AGTPBP1: variants seen among roughly 807,000 people sequenced by gnomAD.
AGTPBP1 encodes ATP/GTP binding carboxypeptidase 1.
In AGTPBP1, 70 loss-of-function variants were observed where a neutral mutation model predicts 143.9. The observed-to-expected ratio is 0.49, with a 90% confidence interval of 0.40 to 0.59. The LOEUF (loss-of-function observed/expected upper bound fraction) is 0.59. Ranked by LOEUF, AGTPBP1 falls within the 20% of genes least tolerant of loss-of-function variation. AGTPBP1 has a pLI of 0.00. For synonymous variants in AGTPBP1, 463 were observed against 500.2 expected (o/e 0.93, Z 0.99); for missense variants, 1,229 against 1,464.5 (o/e 0.84, Z 2.62).
chr9:85,583,954 C>T (rs144218684), intron 23 of AGTPBP1, among the ~76,000 whole-genome samples: 2,008 of 151,376 alleles, frequency 0.013, 21 homozygotes, highest in Middle Eastern at 0.031. Flanking sequence ...GATCTGATTT[C>T]GTTTTGGGGA....
chr9:85,804,124 GA>G, the AGTPBP1 span, among the ~76,000 whole-genome samples: 8,770 of 147,374 alleles, frequency 0.06, 810 homozygotes, highest in African/African-American at 0.2. Context: ...CTAGCATAAA[GA>G]AAAAAAAAAC....
intron 17 of AGTPBP1, among the ~76,000 whole-genome samples, chr9:85,607,898 T>C (rs1830081718): frequency 6.6e-6 from 1 of 152,066 alleles, no homozygotes. Flanking sequence ...CCAATGACTC[T>C]ACGTAGAAAA....
intron 17 of AGTPBP1, among the ~76,000 whole-genome samples, chr9:85,617,118 C>T (rs560008962): frequency 3.9e-5 from 6 of 152,054 alleles, no homozygotes; most frequent in Non-Finnish European, 5.9e-5. Flanking sequence ...TTATCTTCCA[C>T]ATAAATAATG....
intron 1 of AGTPBP1, among the ~76,000 whole-genome samples, chr9:85,738,105 T>A (rs886673789): frequency 6.6e-6 from 1 of 152,250 alleles, no homozygotes; most frequent in Non-Finnish European, 1.5e-5. Context: ...TATATTAACA[T>A]GTAAAGAGTT....
At chr9:85,716,329 C>A (rs186201479) in intron 1 of AGTPBP1, among the ~76,000 whole-genome samples, 14 of 152,300 alleles carry the variant, frequency 9.2e-5, no homozygotes, top group African/African-American at 2.9e-4. Flanking sequence ...AACGGAATGC[C>A]CAGGGCTTAG....
At chr9:85,670,655 G>A (rs192883123) in intron 7 of AGTPBP1, among the ~76,000 whole-genome samples, 4 of 152,284 alleles carry the variant, frequency 2.6e-5, no homozygotes, top group Admixed American at 2.6e-4. Context: ...CTTAAGGCCA[G>A]GAGTTCAAAG....
At chr9:85,589,274 T>G (rs1160289165) in intron 20 of AGTPBP1, among the ~76,000 whole-genome samples, 1 of 152,110 alleles carries the variant, frequency 6.6e-6, no homozygotes, top group Non-Finnish European at 1.5e-5. Flanking sequence ...GAATACAATT[T>G]CTAAGGATAA....
In AGTPBP1 at chr9:85,709,938, A is replaced by G. The variant is rs183730707; in HGVS notation, c.32+2564T>C. ...ATCTGCCAATCTAATCTATCTAATT[A>G]GAATCTTTGTTTAAATTCAGCAATT... On this transcript the variant is annotated intron_variant, in intron 2 of 25. Transcript: ENST00000357081. Among the ~76,000 whole-genome samples the G allele has an allele frequency of 3.9e-3, 590 of 152,276 alleles. 2 individuals are homozygous for G. Among genetic ancestry groups the G allele is most frequent in the Non-Finnish European group, 7.0e-3 (477 of 67,992 alleles).
At chr9:85,664,074 C>T (rs1833994423) in intron 8 of AGTPBP1, among the ~76,000 whole-genome samples, 1 of 152,140 alleles carries the variant, frequency 6.6e-6, no homozygotes, top group Admixed American at 6.6e-5. Context: ...AAAGAGTACA[C>T]ACACTATGAA....
At position 85,633,221 on chromosome 9, in the gene AGTPBP1, C is replaced by G. The variant is rs1831803446; in HGVS notation, c.1456G>C (p.Asp486His). The change falls in exon 14 of 26, where the codon GAT (aspartate) becomes CAT (histidine). Residue 486 changes from aspartate (D) to histidine (H), a missense_variant. Transcript: ENST00000357081. ...AAGGTAGACTTCTTTTCACCTTCAT[C>G]TCCTTTAGAAGATATGTTCTCCTTC... is the stretch of plus-strand genomic sequence containing the variant. ...VMKENISSKGDEGEKKSTFMD... is the reference protein window; with the variant it reads ...VMKENISSKGHEGEKKSTFMD... The G allele has an allele frequency of 6.2e-7, 1 of 1,613,542 alleles. No individual in the cohort carries two copies. The highest frequency in any genetic ancestry group is 1.1e-5 in the South Asian group (1 of 90,920).
chr9:85,632,608 C>G, intron 14 of AGTPBP1, 54 bp downstream of exon 14: 5 of 1,432,298 alleles, frequency 3.5e-6, no homozygotes, highest in Non-Finnish European at 4.7e-6. Context: ...TTTAAGACTG[C>G]CTCATATCTT....
chr9:85,699,540 A>G (rs540234266), intron 2 of AGTPBP1, among the ~76,000 whole-genome samples: 3 of 152,290 alleles, frequency 2.0e-5, no homozygotes, highest in African/African-American at 7.2e-5. Flanking sequence ...ACCTTAAAAT[A>G]TAAATCAAAT....
the AGTPBP1 span, among the ~76,000 whole-genome samples, chr9:85,748,663 G>A: frequency 1.3e-5 from 2 of 152,154 alleles, no homozygotes; most frequent in East Asian, 1.9e-4. Flanking sequence ...TGGCTCTTGC[G>A]TCTTTCTTAT....
At chr9:85,573,087 T>C (rs1055040509) in intron 25 of AGTPBP1, among the ~76,000 whole-genome samples, 3 of 151,718 alleles carry the variant, frequency 2.0e-5, no homozygotes, top group African/African-American at 7.2e-5. Context: ...CCTCTCCCTC[T>C]CCCTCCCCCT....
At chr9:85,622,605 T>G (rs1831006557) in intron 14 of AGTPBP1, among the ~76,000 whole-genome samples, 1 of 152,182 alleles carries the variant, frequency 6.6e-6, no homozygotes. Flanking sequence ...TTTAATTTTA[T>G]TCTATAAAAA....
intron 1 of AGTPBP1, among the ~76,000 whole-genome samples, chr9:85,723,904 C>CACCATCTAT (rs1470988643): frequency 6.6e-6 from 1 of 152,150 alleles, no homozygotes; most frequent in Admixed American, 6.5e-5. Flanking sequence ...AATGAAAAGG[C>CACCATCTAT]ACCATCTATG....
At chr9:85,736,527 C>CTATAATACT (rs1316384576) in intron 1 of AGTPBP1, among the ~76,000 whole-genome samples, 3 of 152,098 alleles carry the variant, frequency 2.0e-5, no homozygotes, top group African/African-American at 7.2e-5. Flanking sequence ...TACTATCTAG[C>CTATAATACT]TATAATACTT....
the AGTPBP1 span, among the ~76,000 whole-genome samples, chr9:85,772,220 C>T: frequency 4.0e-5 from 6 of 151,840 alleles, no homozygotes; most frequent in Admixed American, 1.3e-4. Flanking sequence ...GTGATCCTCC[C>T]GCCTCGGCCT....
intron 25 of AGTPBP1, among the ~76,000 whole-genome samples, chr9:85,551,381 G>A (rs991159470): frequency 1.3e-5 from 2 of 152,134 alleles, no homozygotes; most frequent in South Asian, 2.1e-4. Flanking sequence ...TGGAATATGT[G>A]TCCCTTCTCT....
Sources: allele counts gnomAD v4.1 joint callset (sites outside exome capture counted in the v4.1 genomes callset), GRCh38; gene constraint gnomAD v4.1.1; transcripts MANE v1.5; gene names NCBI Gene and HGNC (gene_info 2026-07-23, HGNC 2026-07-21).